The following FBXO15 variants were observed in gnomAD, a reference collection of about 807,000 sequenced individuals.
FBXO15 encodes F-box only protein 15.
A neutral mutation model predicts 49.5 loss-of-function variants in FBXO15; 30 were observed. The ratio of observed to expected loss-of-function variants is 0.61; its 90% CI spans 0.45 to 0.82. The LOEUF is 0.82. Among genes scored for constraint, FBXO15 ranks in the 40% least tolerant of loss-of-function variants. The pLI is 0.00. For missense variants in FBXO15, 591 were observed against 631.5 expected (o/e 0.94, Z 0.69); for synonymous variants, 250 against 232.7 (o/e 1.07, Z -0.68).
At chr18:74,106,543 T>C (rs1162218841) in intron 8 of FBXO15, among the ~76,000 whole-genome samples, 1 of 152,196 alleles carries the variant, frequency 6.6e-6, no homozygotes, top group Admixed American at 6.5e-5. Context: ...AGGTAGGTAC[T>C]AATGTTTTCC....
intron 8 of FBXO15, among the ~76,000 whole-genome samples, chr18:74,115,344 C>T (rs575669299): frequency 2.0e-5 from 3 of 152,268 alleles, no homozygotes; most frequent in African/African-American, 7.2e-5. Flanking sequence ...GACTTGAGAA[C>T]CTAATCCCAG....
At chr18:74,128,702 A>T (rs1978302551) in intron 5 of FBXO15, among the ~76,000 whole-genome samples, 1 of 152,192 alleles carries the variant, frequency 6.6e-6, no homozygotes, top group Admixed American at 6.5e-5. Context: ...AATGATGAAA[A>T]AGACAGCCCG....
intron 5 of FBXO15, among the ~76,000 whole-genome samples, chr18:74,126,552 T>A (rs966815518): frequency 6.6e-6 from 1 of 152,220 alleles, no homozygotes; most frequent in Non-Finnish European, 1.5e-5. Flanking sequence ...GGAAAGCAGA[T>A]GGGCCTTTCA....
At chr18:74,095,458 T>C (rs1913233940) in intron 8 of FBXO15, among the ~76,000 whole-genome samples, 1 of 152,180 alleles carries the variant, frequency 6.6e-6, no homozygotes, top group Non-Finnish European at 1.5e-5. Context: ...CATTCTTTTT[T>C]ACCAGGGAAT....
At chr18:74,100,406 A>G (rs1192957300) in intron 8 of FBXO15, among the ~76,000 whole-genome samples, 2 of 152,168 alleles carry the variant, frequency 1.3e-5, no homozygotes, top group East Asian at 3.9e-4. Context: ...TCTAGGATAC[A>G]GCAAAAGTGG....
rs754316928 is a variant in FBXO15, at chr18:74,123,435, A to G, written c.1071T>C (p.His357=). Residue 357 remains histidine, a synonymous_variant, in exon 8 of 10, where the codon CAT becomes CAC. Transcript: ENST00000419743. Reference sequence around the variant, plus strand: ...AAACCCCACCGCTGTGCAGATCAACATGGAGTTGGTAGCCGTGCAGTCCAT... The same window carrying G: ...AAACCCCACCGCTGTGCAGATCAACGTGGAGTTGGTAGCCGTGCAGTCCAT... ...PEYGLHGYQL[H]VDLHSGGVFY... 5 of 1,613,974 alleles carry G rather than the reference A, an allele frequency of 3.1e-6. No individual in the cohort carries two copies. Among genetic ancestry groups the G allele is most frequent in the African/African-American group, 2.7e-5 (2 of 74,914 alleles).
intron 3 of FBXO15, 160 bp from the exon 4 acceptor site, chr18:74,130,818 G>T: frequency 1.3e-6 from 1 of 755,742 alleles, no homozygotes; most frequent in Non-Finnish European, 2.0e-6. Flanking sequence ...GTGAATTGCA[G>T]TTTGAGATTT....
intron 8 of FBXO15, among the ~76,000 whole-genome samples, chr18:74,115,905 T>C (rs1599164687): frequency 1.3e-5 from 2 of 152,348 alleles, no homozygotes; most frequent in South Asian, 4.1e-4. Flanking sequence ...TCTATTTCTT[T>C]AGTGATACTG....
intron 8 of FBXO15, among the ~76,000 whole-genome samples, chr18:74,116,148 T>C (rs1392381226): frequency 6.6e-6 from 1 of 152,210 alleles, no homozygotes; most frequent in Non-Finnish European, 1.5e-5. Flanking sequence ...TGGTTCCCTC[T>C]GGCAGGAAAA....
intron 8 of FBXO15, among the ~76,000 whole-genome samples, chr18:74,116,959 A>T (rs1914259092): frequency 6.6e-6 from 1 of 152,060 alleles, no homozygotes; most frequent in South Asian, 2.1e-4. Flanking sequence ...CATTCCACAG[A>T]CGTGACGACA....
At chr18:74,093,747 G>A (rs1780305090) in intron 8 of FBXO15, among the ~76,000 whole-genome samples, 1 of 152,148 alleles carries the variant, frequency 6.6e-6, no homozygotes, top group Admixed American at 6.5e-5. Flanking sequence ...CATCCATGAG[G>A]GTTAGAATCA....
At chr18:74,143,118 A>G (rs1386689348) in intron 1 of FBXO15, among the ~76,000 whole-genome samples, 3 of 152,174 alleles carry the variant, frequency 2.0e-5, no homozygotes. Context: ...GAGTCCACAC[A>G]TACCCTAAGC....
intron 5 of FBXO15, among the ~76,000 whole-genome samples, chr18:74,127,493 A>G (rs1978293083): frequency 6.6e-6 from 1 of 152,266 alleles, no homozygotes; most frequent in African/African-American, 2.4e-5. Context: ...ACTGTTGTTG[A>G]AAAACTTCTC....
intron 2 of FBXO15, among the ~76,000 whole-genome samples, chr18:74,139,152 C>T (rs1978908695): frequency 6.6e-6 from 1 of 152,204 alleles, no homozygotes; most frequent in Non-Finnish European, 1.5e-5. Flanking sequence ...TGAAGTAAGT[C>T]TTTCCTCACC....
In FBXO15 at chr18:74,073,745, C is replaced by G; in HGVS notation, c.1264-15G>C. 6.3e-7 allele frequency: 1 copy of G among 1,599,250 alleles called. No individual in the cohort carries two copies. Among genetic ancestry groups the G allele is most frequent in the Non-Finnish European group, 8.5e-7 (1 of 1,172,066 alleles). The stretch of plus-strand genomic sequence containing the variant: ...ATGGAACAACTCTGCAAAATAAACA[C>G]AGATTGACAAGGATAAAAAGGCCAA... On this transcript the variant is annotated splice_polypyrimidine_tract_variant and intron_variant, in intron 9 of 9. Coordinates refer to ENST00000419743, the MANE Select transcript of FBXO15 (RefSeq NM_001142958.2).
intron 8 of FBXO15, among the ~76,000 whole-genome samples, chr18:74,090,427 A>C (rs985825042): frequency 9.2e-5 from 14 of 151,962 alleles, no homozygotes; most frequent in African/African-American, 3.1e-4. Flanking sequence ...GATTTTGGTT[A>C]TCTCTTGTCT....
intron 1 of FBXO15, among the ~76,000 whole-genome samples, chr18:74,142,701 C>A (rs8085232): frequency 0.088 from 13,336 of 152,138 alleles, 1,078 homozygotes; most frequent in African/African-American, 0.21. Flanking sequence ...TAGGACCCTC[C>A]CTCATCCAGT....
At chr18:74,111,063 T>C (rs1914007597) in intron 8 of FBXO15, among the ~76,000 whole-genome samples, 1 of 151,958 alleles carries the variant, frequency 6.6e-6, no homozygotes, top group Non-Finnish European at 1.5e-5. Context: ...CAACGGGGTA[T>C]AATGAATATT....
At chr18:74,093,350 G>A (rs79245915) in intron 8 of FBXO15, among the ~76,000 whole-genome samples, 7,487 of 151,956 alleles carry the variant, frequency 0.049, 265 homozygotes, top group Middle Eastern at 0.12. Context: ...TGGCTGGTGC[G>A]TGTCAGCGAG....
Sources: allele counts gnomAD v4.1 joint callset (sites outside exome capture counted in the v4.1 genomes callset), GRCh38; gene constraint gnomAD v4.1.1; transcripts MANE v1.5; gene names NCBI Gene and HGNC (gene_info 2026-07-23, HGNC 2026-07-21).